The following KIAA1328 variants were observed in gnomAD, a reference collection of about 807,000 sequenced individuals.
The protein encoded by KIAA1328 is protein hinderin.
In KIAA1328, 52 loss-of-function variants were observed where a neutral mutation model predicts 68.1. The ratio of observed to expected loss-of-function variants is 0.76; its 90% CI spans 0.61 to 0.96. The LOEUF (loss-of-function observed/expected upper bound fraction) is 0.96. Ranked by LOEUF, KIAA1328 falls within the 40% of genes least tolerant of loss-of-function variation. The pLI, the probability that KIAA1328 is intolerant of heterozygous loss-of-function variation, is 0.00. For synonymous variants in KIAA1328, 232 were observed against 239.4 expected, an observed-to-expected ratio of 0.97 and a Z score of 0.28; for missense variants, 641 against 677.6, an observed-to-expected ratio of 0.95 and a Z score of 0.60.
At chr18:36,858,363 T>A (rs1343097595) in intron 4 of KIAA1328, among the ~76,000 whole-genome samples, 6 of 152,210 alleles carry the variant, frequency 3.9e-5, no homozygotes, top group Admixed American at 3.9e-4. Flanking sequence ...TTTTTTTCTT[T>A]AAGCATTTTA....
intron 5 of KIAA1328, among the ~76,000 whole-genome samples, chr18:36,898,480 G>T (rs1331744441): frequency 1.3e-5 from 2 of 151,926 alleles, no homozygotes; most frequent in African/African-American, 4.8e-5. Flanking sequence ...CAGAAATCAA[G>T]CTGAGAAGGC....
intron 9 of KIAA1328, among the ~76,000 whole-genome samples, chr18:37,201,341 T>G (rs1374038514): frequency 6.6e-6 from 1 of 152,136 alleles, no homozygotes; most frequent in African/African-American, 2.4e-5. Flanking sequence ...TAAAGAAAAT[T>G]TAAATCAGGT....
intron 9 of KIAA1328, among the ~76,000 whole-genome samples, chr18:37,199,671 A>C (rs915982046): frequency 5.3e-5 from 8 of 152,200 alleles, no homozygotes; most frequent in African/African-American, 1.9e-4. Context: ...GAATTGCCTC[A>C]CTGTCTTCCA....
intron 5 of KIAA1328, among the ~76,000 whole-genome samples, chr18:36,913,042 G>T (rs1347301298): frequency 6.6e-6 from 1 of 152,174 alleles, no homozygotes; most frequent in Non-Finnish European, 1.5e-5. Context: ...CTGCCCTTTA[G>T]ATCATCCTTC....
At chr18:36,844,578 T>G (rs2046966207) in intron 4 of KIAA1328, among the ~76,000 whole-genome samples, 1 of 152,000 alleles carries the variant, frequency 6.6e-6, no homozygotes, top group South Asian at 2.1e-4. Context: ...TGAGGGAAGT[T>G]TTAGAAACTA....
At chr18:37,132,155 A>G (rs2058538033) in intron 7 of KIAA1328, among the ~76,000 whole-genome samples, 1 of 152,174 alleles carries the variant, frequency 6.6e-6, no homozygotes, top group South Asian at 2.1e-4. Flanking sequence ...TCTATGTCCA[A>G]GGGCCATTTT....
intron 9 of KIAA1328, among the ~76,000 whole-genome samples, chr18:37,206,436 G>A (rs1445927851): frequency 6.6e-6 from 1 of 152,106 alleles, no homozygotes; most frequent in East Asian, 1.9e-4. Context: ...AGTCAGAAAT[G>A]CAAAAAGCCC....
At chr18:37,032,909 G>A (rs1269715133) in intron 6 of KIAA1328, among the ~76,000 whole-genome samples, 9 of 152,230 alleles carry the variant, frequency 5.9e-5, no homozygotes, top group Admixed American at 1.3e-4. Flanking sequence ...CCAAAGTGCC[G>A]AGATTACAGG....
At chr18:37,004,613 G>A (rs2053710350) in intron 6 of KIAA1328, among the ~76,000 whole-genome samples, 1 of 152,052 alleles carries the variant, frequency 6.6e-6, no homozygotes, top group African/African-American at 2.4e-5. Context: ...ATGTTGGTGT[G>A]GATGCAGTGA....
chr18:37,113,165 A>G (rs926895964), intron 7 of KIAA1328, among the ~76,000 whole-genome samples: 25 of 152,292 alleles, frequency 1.6e-4, no homozygotes, highest in Admixed American at 1.5e-3. Context: ...AGAATGCCAC[A>G]AAGATATCCT....
intron 7 of KIAA1328, among the ~76,000 whole-genome samples, chr18:37,081,348 A>G (rs2056944722): frequency 6.6e-6 from 1 of 152,220 alleles, no homozygotes; most frequent in Admixed American, 6.5e-5. Context: ...GTTTTATCAT[A>G]GTTAGCTGGT....
chr18:37,100,999 C>T (rs1004072768), intron 7 of KIAA1328, among the ~76,000 whole-genome samples: 1 of 152,102 alleles, frequency 6.6e-6, no homozygotes, highest in Non-Finnish European at 1.5e-5. Context: ...GAAAGGACAT[C>T]CACACCAAAA....
intron 7 of KIAA1328, among the ~76,000 whole-genome samples, chr18:37,105,658 G>T (rs1043533522): frequency 1.3e-5 from 2 of 151,842 alleles, no homozygotes; most frequent in African/African-American, 4.8e-5. Context: ...GTTCACAGTG[G>T]CTCATGCCTA....
chr18:36,988,098 G>T (rs2053020207), intron 6 of KIAA1328, among the ~76,000 whole-genome samples: 1 of 152,144 alleles, frequency 6.6e-6, no homozygotes, highest in Non-Finnish European at 1.5e-5. Flanking sequence ...CATTACACAG[G>T]CTTTAAATGT....
intron 7 of KIAA1328, among the ~76,000 whole-genome samples, chr18:37,090,638 T>C (rs999480816): frequency 2.0e-5 from 3 of 152,220 alleles, no homozygotes; most frequent in Non-Finnish European, 2.9e-5. Flanking sequence ...CTGTCAGACT[T>C]GGAAGCACTT....
At chr18:36,975,711 C>T (rs547338118) in intron 6 of KIAA1328, among the ~76,000 whole-genome samples, 1 of 152,208 alleles carries the variant, frequency 6.6e-6, no homozygotes, top group African/African-American at 2.4e-5. Flanking sequence ...TCTTGCCAAC[C>T]GATTTTTTAA....
chr18:37,103,945 A>G (rs2057698597), intron 7 of KIAA1328, among the ~76,000 whole-genome samples: 1 of 152,142 alleles, frequency 6.6e-6, no homozygotes, highest in Non-Finnish European at 1.5e-5. Flanking sequence ...CATCAGGGAA[A>G]TGCAAATTAA....
chr18:36,896,308 A>G (rs2048865712), intron 5 of KIAA1328, among the ~76,000 whole-genome samples: 1 of 152,142 alleles, frequency 6.6e-6, no homozygotes. Flanking sequence ...CTTACTAGCT[A>G]AGACCCTTTT....
intron 9 of KIAA1328, among the ~76,000 whole-genome samples, chr18:37,185,714 GAT>G (rs928147086): frequency 7.5e-6 from 1 of 133,376 alleles, no homozygotes. Context: ...TATACCTACT[GAT>G]ATATACACAC....
Sources: gnomAD v4.1 joint callset for allele counts (sites outside exome capture counted in the v4.1 genomes callset) on GRCh38, gnomAD v4.1.1 for gene constraint, MANE v1.5 for transcripts, NCBI Gene and HGNC (gene_info 2026-07-23, HGNC 2026-07-21) for gene names.